The following ERCC6L2 variants were observed in gnomAD, a reference collection of about 807,000 sequenced individuals.
The protein encoded by ERCC6L2 is ERCC excision repair 6 like 2, also known as DNA excision repair protein ERCC-6-like 2.
A neutral mutation model predicts 132.0 loss-of-function variants in ERCC6L2; 77 were observed. The ratio of observed to expected loss-of-function variants is 0.58; its 90% confidence interval spans 0.49 to 0.71. The LOEUF (loss-of-function observed/expected upper bound fraction) is 0.71, where lower values mean the gene tolerates loss of function less well. Among genes scored for constraint, ERCC6L2 ranks in the 30% least tolerant of loss-of-function variants. ERCC6L2 has a pLI of 0.00. For missense variants in ERCC6L2, 1,542 were observed against 1,837.6 expected (o/e 0.84, Z 2.94); for synonymous variants, 583 against 632.4 (o/e 0.92, Z 1.17).
downstream of ERCC6L2, chr9:96,020,041 G>A (rs1377769649): frequency 6.6e-6 from 1 of 152,514 alleles, no homozygotes. Context: ...CATTAGCCGG[G>A]CGTGATGGCG....
chr9:95,910,995 C>G (rs1165231311), intron 4 of ERCC6L2, among the ~76,000 whole-genome samples: 1 of 152,056 alleles, frequency 6.6e-6, no homozygotes, highest in African/African-American at 2.4e-5. Flanking sequence ...CTCACTGTAC[C>G]CTCAGTCTCC....
chr9:95,897,901 T>G lies in ERCC6L2; in HGVS notation c.524T>G (p.Ile175Ser). 2.5e-6 allele frequency: 4 copies of G among 1,612,502 alleles called. No homozygotes were observed. Among genetic ancestry groups the G allele is most frequent in the Non-Finnish European group, 3.4e-6 (4 of 1,179,334 alleles). ...CATAAAAAGGGAACTCGTGAGGATA[T>G]TGAAAATAACATGCCAGAGTTTTTA... ...VLHKKGTRED[I>S]ENNMPEFLLR... The change falls in exon 3 of 19, where the codon ATT becomes AGT. Residue 175 changes from isoleucine (I) to serine (S), a missense_variant. By Grantham distance (142) the Ile-to-Ser change is moderately radical (BLOSUM62 -2). Around this residue, in one of 4 missense-constraint regions of ERCC6L2, gnomAD observed 945 missense variants for 1,105.2 expected, o/e 0.86. Transcript: ENST00000653738.
At chr9:96,011,781 A>G (rs907350217) in intron 18 of ERCC6L2, among the ~76,000 whole-genome samples, 4 of 152,224 alleles carry the variant, frequency 2.6e-5, no homozygotes, top group Admixed American at 2.0e-4. Context: ...GGGAAGGGAA[A>G]AAAATGTCTT....
intron 19 of ERCC6L2, among the ~76,000 whole-genome samples, chr9:96,026,747 G>GCCCA (rs1834372895): frequency 1.1e-5 from 1 of 88,188 alleles, no homozygotes; most frequent in South Asian, 3.8e-4. Context: ...CACACACACA[G>GCCCA]CCCACACACA....
rs1832460920 is a variant in ERCC6L2 at position 95,972,474 on chromosome 9, A to G, written c.2723A>G (p.Gln908Arg). Residue 908 changes from glutamine (Q) to arginine (R), a missense_variant, in exon 16 of 19, where the codon CAA (glutamine) becomes CGA (arginine). By Grantham distance (43) the Gln-to-Arg change is conservative. Around this residue, in one of 4 missense-constraint regions of ERCC6L2, gnomAD observed 945 missense variants for 1,105.2 expected, o/e 0.86. Coordinates refer to ENST00000653738, the MANE Select transcript of ERCC6L2 (RefSeq NM_020207.7). ...GATAGTGATGTCATCTGTCCTACAC[A>G]ATACACAACTGAGAGATTCCCCGAC... Reference protein sequence around the residue: ...SEDSDVICPTQYTTERFPDNS... With the variant: ...SEDSDVICPTRYTTERFPDNS... 2 of 1,289,672 alleles carry G rather than the reference A, an allele frequency of 1.6e-6. No individual in the cohort carries two copies. Among genetic ancestry groups the G allele is most frequent in the East Asian group, 5.5e-5 (1 of 18,024 alleles). The allele number at this position is 1,289,672 out of a possible 1,614,324, so 79.9% of individuals were successfully genotyped here. A position where few individuals can be genotyped will look rare whatever the true frequency, so the allele number is the denominator to read the frequency against.
At chr9:95,952,653 G>A (rs138034044) in intron 12 of ERCC6L2, among the ~76,000 whole-genome samples, 1,556 of 152,198 alleles carry the variant, frequency 0.01, 10 homozygotes, top group Non-Finnish European at 0.016. Flanking sequence ...GACCAACATG[G>A]TGAAACCACA....
intron 12 of ERCC6L2, among the ~76,000 whole-genome samples, chr9:95,943,953 C>T (rs1245922351): frequency 1.3e-5 from 2 of 152,176 alleles, no homozygotes; most frequent in Non-Finnish European, 2.9e-5. Context: ...TGGAAAACAG[C>T]ATGGTGGTTC....
chr9:95,912,336 A>G (rs998166978), intron 4 of ERCC6L2, among the ~76,000 whole-genome samples: 2 of 152,136 alleles, frequency 1.3e-5, no homozygotes, highest in African/African-American at 4.8e-5. Flanking sequence ...CCTATAGAAA[A>G]GTTAAAATAA....
rs530714883 is a variant in ERCC6L2, at chr9:96,008,191, C to T, written c.3674+3490C>T. On this transcript the variant is annotated intron_variant, in intron 18 of 18. Transcript: ENST00000653738. ...TGCATGCGTTCTCTGTTCTCGATCG[C>T]CTCCAAGAGCCATGTTGGGACACTG... is the stretch of plus-strand genomic sequence containing the variant. 2.0e-4 allele frequency among the ~76,000 whole-genome samples: 31 copies of T among 152,306 alleles called. No homozygotes were observed. In the South Asian group the frequency reaches 6.4e-3, roughly 32 times the overall value.
At chr9:96,033,808 A>C (rs567820355) in intron 19 of ERCC6L2, among the ~76,000 whole-genome samples, 1 of 152,312 alleles carries the variant, frequency 6.6e-6, no homozygotes, top group Admixed American at 6.5e-5. Flanking sequence ...ACTCGATTCA[A>C]ATCCAGATGC....
chr9:96,039,972 A>G (rs915338369), intron 20 of ERCC6L2, among the ~76,000 whole-genome samples: 3 of 151,940 alleles, frequency 2.0e-5, no homozygotes, highest in African/African-American at 7.3e-5. Flanking sequence ...TAATCCCAGC[A>G]CTTTGGGAGG....
chr9:96,027,164 CCA>C lies in ERCC6L2; in HGVS notation c.*1504-11698_*1504-11697del, dbSNP rs746621075. 3.0e-3 allele frequency among the ~76,000 whole-genome samples: 450 copies of C among 148,782 alleles called. 4 individuals carry two copies. In the Middle Eastern group the frequency reaches 0.056, roughly 19 times the overall value. On this transcript the variant is annotated intron_variant and NMD_transcript_variant, in intron 19 of 20. Transcript: ENST00000670016. ...CTACACACACCCCACATGCACCACA[CCA>C]CACACACACACACCACACACCACAC...
chr9:95,936,307 G>A (rs977963318), intron 11 of ERCC6L2, among the ~76,000 whole-genome samples: 1 of 152,170 alleles, frequency 6.6e-6, no homozygotes, highest in African/African-American at 2.4e-5. Flanking sequence ...GGAAGTATTA[G>A]ATGTAGCTCA....
At chr9:95,877,935 C>T (rs1267827552) in intron 1 of ERCC6L2, among the ~76,000 whole-genome samples, 1 of 152,072 alleles carries the variant, frequency 6.6e-6, no homozygotes, top group Non-Finnish European at 1.5e-5. Flanking sequence ...GGAAATTACT[C>T]TCTACTGGAA....
intron 17 of ERCC6L2, among the ~76,000 whole-genome samples, chr9:95,989,215 T>C (rs1162767107): frequency 6.6e-6 from 1 of 152,212 alleles, no homozygotes; most frequent in Admixed American, 6.5e-5. Flanking sequence ...TTAATGGTTA[T>C]GATGGTTAAG....
intron 3 of ERCC6L2, among the ~76,000 whole-genome samples, chr9:95,904,306 A>G (rs7861324): frequency 5.9e-5 from 9 of 152,114 alleles, no homozygotes; most frequent in Non-Finnish European, 1.3e-4. Context: ...TCCTCTGAAC[A>G]TATATTATTA....
At chr9:96,030,773 C>G (rs76724022) in intron 19 of ERCC6L2, among the ~76,000 whole-genome samples, 1 of 151,856 alleles carries the variant, frequency 6.6e-6, no homozygotes, top group African/African-American at 2.4e-5. Flanking sequence ...ACGAACCCAC[C>G]GGAAGGAACA....
chr9:95,978,226 T>C lies in ERCC6L2; in HGVS notation c.3492+11T>C. 1 of 1,348,884 alleles carries C rather than the reference T, an allele frequency of 7.4e-7. No homozygotes were observed. The highest frequency in any genetic ancestry group is 9.9e-7 in the Non-Finnish European group (1 of 1,013,008). 83.6% of individuals were successfully genotyped at this position (1,348,884 alleles called of 1,614,324 possible). The stretch of plus-strand genomic sequence containing the variant: ...GTTTGCAGTTCTAAGGTAAGAAAAA[T>C]ATAGGGTAGTATCATCTTTAGTTAC... On this transcript the variant is annotated intron_variant, in intron 17 of 18. Transcript: ENST00000653738.
In ERCC6L2 at chr9:95,951,588, ATAAT is replaced by A. The variant is rs567206140; in HGVS notation, c.1848-4322_1848-4319del. On this transcript the variant is annotated intron_variant, in intron 12 of 18. Coordinates refer to ENST00000653738, the MANE Select transcript of ERCC6L2 (RefSeq NM_020207.7). ...ATTGACTAAGAGAAAGAAGACTCAA[ATAAT>A]TAACATCAAAAATGAAAGGGGACAT... Among the ~76,000 whole-genome samples the A allele has an allele frequency of 2.0e-3, 306 of 152,294 alleles. 4 individuals are homozygous for A. The highest frequency in any genetic ancestry group is 3.1e-4 in the Non-Finnish European group (21 of 68,018).
Sources: allele counts gnomAD v4.1 joint callset (sites outside exome capture counted in the v4.1 genomes callset), GRCh38; gene constraint gnomAD v4.1.1; regional missense constraint gnomAD v4.1.1; transcripts MANE v1.5; gene names NCBI Gene and HGNC (gene_info 2026-07-23, HGNC 2026-07-21).